Variants in ADGRL2 observed in about 807,000 individuals in gnomAD.
The protein encoded by ADGRL2 is adhesion G protein-coupled receptor L2.
In ADGRL2, 44 loss-of-function variants were observed where a neutral mutation model predicts 157.4. That is an observed-to-expected ratio of 0.28 (90% CI 0.22 to 0.36). ADGRL2 has a LOEUF of 0.36. Among genes scored for constraint, ADGRL2 ranks in the 10% least tolerant of loss-of-function variants. ADGRL2 has a pLI of 1.00. For missense variants in ADGRL2, 1,510 were observed against 1,768.9 expected, an observed-to-expected ratio of 0.85 and a Z score of 2.63; for synonymous variants, 585 against 624.7, an observed-to-expected ratio of 0.94 and a Z score of 0.95.
intron 2 of ADGRL2, among the ~76,000 whole-genome samples, chr1:81,459,753 T>C (rs752514997): frequency 3.9e-4 from 58 of 150,574 alleles, no homozygotes; most frequent in Non-Finnish European, 6.8e-4. Context: ...TACACACACA[T>C]ATATATATCC....
rs766228767 is a variant in ADGRL2 at position 81,943,363 on chromosome 1, C to T, written c.804C>T (p.Ile268=). The part of the protein sequence containing the change: ...SPYRWGGKTD[I]DLAVDENGLW... ...ACAGATGGGGAGGAAAGACTGATAT[C>T]GACCTAGCAGTTGATGAAAATGGTT... Residue 268 remains isoleucine (I), a synonymous_variant, in exon 6 of 24, where the codon ATC becomes ATT. Transcript: ENST00000686636. The surrounding 1 kb of genome is among the most constrained non-coding windows in gnomAD (Gnocchi z 5.6). 11 of 1,613,612 alleles carry T rather than the reference C, an allele frequency of 6.8e-6. No homozygotes were observed. The highest frequency in any genetic ancestry group is 3.3e-5 in the South Asian group (3 of 91,078).
At chr1:81,553,600 G>A (rs4313439) in intron 2 of ADGRL2, among the ~76,000 whole-genome samples, 20,185 of 152,018 alleles carry the variant, frequency 0.13, 1,632 homozygotes, top group Non-Finnish European at 0.18. Context: ...CTTTATGTCT[G>A]GCTATTACCA....
intron 1 of ADGRL2, among the ~76,000 whole-genome samples, chr1:81,744,876 G>A (rs935517225): frequency 3.9e-5 from 6 of 152,206 alleles, no homozygotes; most frequent in African/African-American, 1.2e-4. Context: ...AATATGTTTC[G>A]TGTACTACTT....
chr1:81,976,028 C>T (rs760467819), intron 17 of ADGRL2, among the ~76,000 whole-genome samples: 5 of 151,864 alleles, frequency 3.3e-5, no homozygotes, highest in Non-Finnish European at 7.4e-5. Flanking sequence ...AATAAGATAA[C>T]TGTAAAACCA....
intron 1 of ADGRL2, among the ~76,000 whole-genome samples, chr1:81,746,896 GTA>G (rs1557615180): frequency 6.8e-6 from 1 of 147,346 alleles, no homozygotes; most frequent in Non-Finnish European, 1.5e-5. Context: ...ACGTATACAC[GTA>G]TATACACACG....
At chr1:81,516,124 C>T (rs1009451625) in intron 2 of ADGRL2, among the ~76,000 whole-genome samples, 2 of 152,120 alleles carry the variant, frequency 1.3e-5, no homozygotes, top group African/African-American at 4.8e-5. Flanking sequence ...CAAATCTTTG[C>T]CAGTGTGAAT....
At chr1:81,401,500 G>A (rs1231936429) in intron 1 of ADGRL2, among the ~76,000 whole-genome samples, 1 of 152,154 alleles carries the variant, frequency 6.6e-6, no homozygotes, top group Non-Finnish European at 1.5e-5. Flanking sequence ...GTGCTCTCCA[G>A]GGTCTCTGTA....
chr1:81,410,080 G>A (rs147911733), intron 1 of ADGRL2, among the ~76,000 whole-genome samples: 19 of 152,302 alleles, frequency 1.2e-4, no homozygotes, highest in African/African-American at 4.1e-4. Flanking sequence ...AGACTGTCAC[G>A]TGATCTTTAC....
At chr1:81,381,633 C>T (rs1189973267) in intron 1 of ADGRL2, among the ~76,000 whole-genome samples, 1 of 152,130 alleles carries the variant, frequency 6.6e-6, no homozygotes, top group Non-Finnish European at 1.5e-5. Context: ...TGAAGAGTGT[C>T]TGCAGAAATT....
intron 2 of ADGRL2, among the ~76,000 whole-genome samples, chr1:81,527,635 C>T (rs966292735): frequency 6.6e-6 from 1 of 151,966 alleles, no homozygotes; most frequent in African/African-American, 2.4e-5. Flanking sequence ...TCACTTGAAC[C>T]CGGGAGGCGG....
At position 81,371,725 on chromosome 1, in the gene ADGRL2, T is replaced by C. The variant is rs574171118; in HGVS notation, c.-302+65216T>C. 3.5e-4 allele frequency among the ~76,000 whole-genome samples: 54 copies of C among 152,330 alleles called. 1 individual carries two copies. The highest frequency in any genetic ancestry group is 1.1e-3 in the African/African-American group (44 of 41,588). On this transcript the variant is annotated intron_variant, in intron 1 of 24. Transcript: ENST00000370721. ...AGGCCATTTTTCAGAAAGTATGCCA[T>C]GTTTTTGAACAAGAAAAATTATGCA...
At chr1:81,494,376 A>G (rs993364735) in intron 2 of ADGRL2, among the ~76,000 whole-genome samples, 1 of 152,174 alleles carries the variant, frequency 6.6e-6, no homozygotes, top group Non-Finnish European at 1.5e-5. Flanking sequence ...GAAGATGAAC[A>G]GTTTATCTTG....
rs1410764943 is a variant in ADGRL2 at position 81,966,134 on chromosome 1, C to T, written c.2094C>T (p.Gly698=). The part of the protein sequence containing the change: ...FKFPLGIKGA[G]SSIQLSANTV... ...TTCCTCTGGGCATCAAAGGAGCAGGCAGCTCAATCCAACTGTCCGCAAATA... is the reference window on the plus strand; with the variant it reads ...TTCCTCTGGGCATCAAAGGAGCAGGTAGCTCAATCCAACTGTCCGCAAATA... The change falls in exon 12 of 24, where the codon GGC becomes GGT. Residue 698 remains glycine (G), a synonymous_variant. Coordinates refer to ENST00000686636, the MANE Select transcript of ADGRL2 (RefSeq NM_001366006.2). The T allele has an allele frequency of 1.2e-6, 2 of 1,613,884 alleles. No individual in the cohort carries two copies. Among genetic ancestry groups the T allele is most frequent in the Admixed American group, 1.7e-5 (1 of 59,994 alleles).
chr1:81,736,411 C>G (rs981103368), intron 1 of ADGRL2, among the ~76,000 whole-genome samples: 2 of 152,184 alleles, frequency 1.3e-5, no homozygotes, highest in African/African-American at 4.8e-5. Context: ...TCTTTCTCTT[C>G]TAACCATCCT....
intron 2 of ADGRL2, among the ~76,000 whole-genome samples, chr1:81,850,895 A>G (rs553067677): frequency 1.1e-4 from 16 of 151,954 alleles, no homozygotes; most frequent in African/African-American, 3.9e-4. Flanking sequence ...ACAATGTTTT[A>G]TTTATTTCTG....
rs181644654 is a variant in ADGRL2, at chr1:81,711,218, G to A, written c.-143+11410G>A. On this transcript the variant is annotated intron_variant, in intron 1 of 20. Coordinates refer to the ADGRL2 transcript ENST00000359929. ...TCCGCATGTTTGAATTTTATCATTG[G>A]CAATAAGTACTGTTGATTGTTTTCC... 3.3e-4 allele frequency among the ~76,000 whole-genome samples: 51 copies of A among 152,276 alleles called. 1 individual carries two copies. The highest frequency in any genetic ancestry group is 1.1e-3 in the African/African-American group (47 of 41,562).
chr1:81,812,850 A>G (rs1270775487), intron 1 of ADGRL2, among the ~76,000 whole-genome samples: 2 of 151,792 alleles, frequency 1.3e-5, no homozygotes, highest in Non-Finnish European at 3.0e-5. Flanking sequence ...AGGACCTACT[A>G]TTACATGATT....
chr1:81,786,577 A>G (rs1388916876), intron 2 of ADGRL2, among the ~76,000 whole-genome samples: 2 of 152,236 alleles, frequency 1.3e-5, no homozygotes, highest in East Asian at 3.8e-4. Flanking sequence ...CTATGTCTCA[A>G]TAAATGTAAA....
At chr1:81,650,381 C>A (rs549246433) in intron 3 of ADGRL2, among the ~76,000 whole-genome samples, 1 of 130,728 alleles carries the variant, frequency 7.6e-6, no homozygotes, top group South Asian at 2.5e-4. Flanking sequence ...ACCATCCTGG[C>A]CAACATGGTA....
Sources: gnomAD v4.1 joint callset for allele counts (sites outside exome capture counted in the v4.1 genomes callset) on GRCh38, gnomAD v4.1.1 for gene constraint, Gnocchi (gnomAD v3.1) non-coding constraint, MANE v1.5 for transcripts, NCBI Gene and HGNC (gene_info 2026-07-23, HGNC 2026-07-21) for gene names.